PAK2: variants seen among roughly 807,000 people sequenced by gnomAD.
PAK2 encodes the protein p21 (RAC1) activated kinase 2.
PAK2 carries 21 observed loss-of-function variants against 65.9 expected under a neutral mutation model. The observed-to-expected ratio is 0.32, with a 90% confidence interval of 0.23 to 0.46. The LOEUF (loss-of-function observed/expected upper bound fraction) is 0.46, where lower values mean the gene tolerates loss of function less well. Among genes scored for constraint, PAK2 ranks in the 20% least tolerant of loss-of-function variants. The pLI is 1.00. For synonymous variants in PAK2, 204 were observed against 219.7 expected, an observed-to-expected ratio of 0.93 and a Z score of 0.63; for missense variants, 324 against 642.6, an observed-to-expected ratio of 0.50 and a Z score of 5.36.
intron 2 of PAK2, among the ~76,000 whole-genome samples, chr3:196,800,695 TACAG>T (rs1296483933): frequency 6.6e-6 from 1 of 152,134 alleles, no homozygotes; most frequent in African/African-American, 2.4e-5. Flanking sequence ...CTCACACGTG[TACAG>T]ACAATTGACT....
At chr3:196,783,265 A>G (rs2108740314) in intron 2 of PAK2, among the ~76,000 whole-genome samples, 1 of 152,314 alleles carries the variant, frequency 6.6e-6, no homozygotes, top group African/African-American at 2.4e-5. Context: ...TAATGCCCTC[A>G]GAAGTGTCGG....
intron 1 of PAK2, among the ~76,000 whole-genome samples, chr3:196,742,720 C>T (rs1040386689): frequency 6.6e-6 from 1 of 152,088 alleles, no homozygotes; most frequent in African/African-American, 2.4e-5. Context: ...CAAGACCATC[C>T]TGGCTAACAC....
intron 13 of PAK2, among the ~76,000 whole-genome samples, chr3:196,823,442 A>G (rs1008332561): frequency 2.0e-5 from 3 of 152,104 alleles, no homozygotes; most frequent in Non-Finnish European, 4.4e-5. Context: ...GAGATCGGTA[A>G]AATCACCAGC....
intron 2 of PAK2, among the ~76,000 whole-genome samples, chr3:196,783,458 T>C (rs1714777066): frequency 6.6e-6 from 1 of 151,850 alleles, no homozygotes; most frequent in South Asian, 2.1e-4. Flanking sequence ...GGCTCGTGCC[T>C]GTAATCCCAG....
At chr3:196,788,001 C>T (rs867653675) in intron 2 of PAK2, among the ~76,000 whole-genome samples, 2 of 152,200 alleles carry the variant, frequency 1.3e-5, no homozygotes, top group Non-Finnish European at 1.5e-5. Flanking sequence ...CCTCTGGGTC[C>T]GCTCATTTCC....
intron 13 of PAK2, among the ~76,000 whole-genome samples, chr3:196,823,823 A>G (rs1405224473): frequency 6.6e-6 from 1 of 151,764 alleles, no homozygotes; most frequent in Admixed American, 6.6e-5. Context: ...AAAAAAAAAA[A>G]AAAGAAAAAA....
chr3:196,798,505 G>A (rs1340764306), intron 2 of PAK2, among the ~76,000 whole-genome samples: 2 of 151,926 alleles, frequency 1.3e-5, no homozygotes, highest in African/African-American at 2.4e-5. Flanking sequence ...CACCACGCCC[G>A]GCTAATTATT....
chr3:196,810,671 T>C lies in PAK2; in HGVS notation c.773+18T>C. 8.3e-7 allele frequency: 1 copy of C among 1,202,166 alleles called. No homozygotes were observed. The highest frequency in any genetic ancestry group is 1.2e-6 in the Non-Finnish European group (1 of 807,518). 74.5% of individuals were successfully genotyped at this position (1,202,166 alleles called of 1,614,324 possible). ...GGACAAGGGTAAGTATTTGTGACTG[T>C]ATTACGATAATATTCAGTATTCAGT... On this transcript the variant is annotated intron_variant, in intron 8 of 14. Transcript: ENST00000327134.
intron 1 of PAK2, among the ~76,000 whole-genome samples, chr3:196,750,473 C>T (rs994415774): frequency 6.6e-6 from 1 of 152,130 alleles, no homozygotes; most frequent in Non-Finnish European, 1.5e-5. Flanking sequence ...AAATTCTACA[C>T]TGCTCAAGAT....
intron 2 of PAK2, among the ~76,000 whole-genome samples, chr3:196,786,450 C>T (rs200552995): frequency 3.5e-4 from 54 of 152,244 alleles, no homozygotes; most frequent in Non-Finnish European, 5.7e-4. Context: ...CGTGAGCCAC[C>T]GTGCCTGTCT....
At chr3:196,824,597 A>G (rs1042341182) in intron 13 of PAK2, among the ~76,000 whole-genome samples, 1 of 152,198 alleles carries the variant, frequency 6.6e-6, no homozygotes, top group African/African-American at 2.4e-5. Flanking sequence ...AGAGAGGATG[A>G]GTAGGTGAAG....
At position 196,812,232 on chromosome 3, in the gene PAK2, GT is replaced by G; in HGVS notation, c.791del (p.Phe264SerfsTer27). On this transcript the variant is annotated frameshift_variant, in exon 9 of 15. Coordinates refer to ENST00000327134, the MANE Select transcript of PAK2 (RefSeq NM_002577.4). LOFTEE classifies it high-confidence loss of function. Reference protein sequence around the residue: ...EKIGQGASGTVFTATDVALGQ... With the variant: ...EKIGQGASGTXFTATDVALGQ... ...TTCTCCCTCTAGGGCTTCTGGTACAGTTTTCACTGCTACTGACGTTGCACTG... is the reference window on the plus strand; with the variant it reads ...TTCTCCCTCTAGGGCTTCTGGTACAGTTTCACTGCTACTGACGTTGCACTG... 6.3e-7 allele frequency: 1 copy of G among 1,589,618 alleles called. No homozygotes were observed. Among genetic ancestry groups the G allele is most frequent in the Non-Finnish European group, 8.6e-7 (1 of 1,157,990 alleles).
intron 2 of PAK2, among the ~76,000 whole-genome samples, chr3:196,788,767 A>G (rs1211868652): frequency 1.3e-5 from 2 of 152,202 alleles, no homozygotes; most frequent in Non-Finnish European, 2.9e-5. Context: ...AGTGTGTTCC[A>G]TGCCCGGGAA....
At chr3:196,740,941 C>T (rs945920431) in intron 1 of PAK2, among the ~76,000 whole-genome samples, 4 of 152,174 alleles carry the variant, frequency 2.6e-5, no homozygotes, top group South Asian at 2.1e-4. Context: ...AGCGTGTCAT[C>T]GTCAGTGGGT....
intron 7 of PAK2, among the ~76,000 whole-genome samples, chr3:196,808,992 G>A (rs1011120673): frequency 1.3e-5 from 2 of 151,890 alleles, no homozygotes; most frequent in Non-Finnish European, 2.9e-5. Context: ...ATCTCGGTAC[G>A]TTGGCTGGCC....
intron 4 of PAK2, 74 bp from the exon 5 acceptor site, chr3:196,805,276 GCT>G: frequency 1.3e-6 from 1 of 751,992 alleles, no homozygotes; most frequent in Non-Finnish European, 2.2e-6. Flanking sequence ...CACTTTCTCT[GCT>G]TTTTTTTTTT....
chr3:196,762,374 G>A (rs1227181083), intron 1 of PAK2, among the ~76,000 whole-genome samples: 2 of 142,308 alleles, frequency 1.4e-5, no homozygotes, highest in South Asian at 2.3e-4. Flanking sequence ...GTAGTGAGCC[G>A]AGATCACGCC....
chr3:196,783,725 C>T (rs2108740834), intron 2 of PAK2, among the ~76,000 whole-genome samples: 1 of 152,266 alleles, frequency 6.6e-6, no homozygotes, highest in African/African-American at 2.4e-5. Flanking sequence ...CAATATCCAC[C>T]ATTCTGCATT....
chr3:196,778,934 A>AG (rs1714623068), intron 1 of PAK2, among the ~76,000 whole-genome samples: 1 of 152,232 alleles, frequency 6.6e-6, no homozygotes, highest in Non-Finnish European at 1.5e-5. Context: ...ACATTAGATT[A>AG]GGGGATAAGT....
Sources: gnomAD v4.1 joint callset for allele counts (sites outside exome capture counted in the v4.1 genomes callset) on GRCh38, gnomAD v4.1.1 for gene constraint, MANE v1.5 for transcripts, NCBI Gene and HGNC (gene_info 2026-07-23, HGNC 2026-07-21) for gene names.